HECTD2: variants seen among roughly 807,000 people sequenced by gnomAD.
The protein encoded by HECTD2 is HECT domain E3 ubiquitin protein ligase 2, also known as probable E3 ubiquitin-protein ligase HECTD2.
In HECTD2, 35 loss-of-function variants were observed where a neutral mutation model predicts 103.2. The ratio of observed to expected loss-of-function variants is 0.34; its 90% CI spans 0.26 to 0.45. The LOEUF (loss-of-function observed/expected upper bound fraction) is 0.45. HECTD2 is among the 20% of genes least tolerant of loss of function. The probability of loss-of-function intolerance (pLI) is 1.00; values close to 1 mark genes in which losing one functional copy is unlikely to be tolerated. For missense variants in HECTD2, 596 were observed against 937.4 expected (o/e 0.64, Z 4.76); for synonymous variants, 281 against 329.9 (o/e 0.85, Z 1.61).
chr10:91,496,111 T>C, intron 14 of HECTD2, 103 bp from the exon 15 acceptor site: 1 of 637,614 alleles, frequency 1.6e-6, no homozygotes, highest in Admixed American at 3.0e-5. Flanking sequence ...AGAAAGTCAG[T>C]GTTAAATCTG....
intron 20 of HECTD2, 132 bp from the exon 21 acceptor site, chr10:91,512,132 A>C: frequency 2.2e-6 from 2 of 925,570 alleles, no homozygotes; most frequent in Non-Finnish European, 3.2e-6. Context: ...TTCAGTGAAG[A>C]AATGGATGAG....
intron 2 of HECTD2, among the ~76,000 whole-genome samples, chr10:91,426,192 G>A (rs1843552068): frequency 6.6e-6 from 1 of 151,978 alleles, no homozygotes; most frequent in Admixed American, 6.6e-5. Context: ...TCCTCAGGGA[G>A]GTAGAATTGT....
intron 2 of HECTD2, among the ~76,000 whole-genome samples, chr10:91,431,742 G>A (rs1457663026): frequency 1.3e-5 from 2 of 151,824 alleles, no homozygotes; most frequent in Non-Finnish European, 2.9e-5. Flanking sequence ...AGCTCCTTTA[G>A]GCACTTCTGT....
intron 2 of HECTD2, among the ~76,000 whole-genome samples, chr10:91,453,108 G>A (rs917322321): frequency 1.5e-4 from 23 of 152,184 alleles, no homozygotes; most frequent in African/African-American, 5.1e-4. Flanking sequence ...TAACACCAGC[G>A]TGGTTCTAAA....
At chr10:91,505,033 G>A (rs1036760946) in intron 20 of HECTD2, among the ~76,000 whole-genome samples, 2 of 151,994 alleles carry the variant, frequency 1.3e-5, no homozygotes, top group African/African-American at 4.8e-5. Context: ...AGCTTCATAA[G>A]TGAAGAAGAA....
chr10:91,414,776 T>C (rs1027785384), intron 1 of HECTD2, among the ~76,000 whole-genome samples: 5 of 152,132 alleles, frequency 3.3e-5, no homozygotes, highest in African/African-American at 1.2e-4. Context: ...AAGGAAAAAT[T>C]AGTGAGTAAT....
chr10:91,444,888 T>G lies in HECTD2; in HGVS notation c.269-15539T>G, dbSNP rs139358344. ...ATTTAGGGTTCATTCAGCGAACTTA[T>G]GAACACTGTGCTGAACTGATAAGCA... is the stretch of plus-strand genomic sequence containing the variant. On this transcript the variant is annotated intron_variant, in intron 2 of 20. Transcript: ENST00000298068. 2.9e-3 allele frequency among the ~76,000 whole-genome samples: 444 copies of G among 152,324 alleles called. 3 individuals are homozygous for G. Among genetic ancestry groups the G allele is most frequent in the African/African-American group, 9.9e-3 (413 of 41,586 alleles).
rs769567018 is a variant in HECTD2, at chr10:91,461,338, A to C, written c.492A>C (p.Glu164Asp). The C allele has an allele frequency of 3.3e-6, 5 of 1,504,524 alleles. No homozygotes were observed. The East Asian group carries it at 1.2e-4, about 36-fold the overall frequency. The allele number at this position is 1,504,524 out of a possible 1,614,324, so 93.2% of individuals were successfully genotyped here. The change falls in exon 4 of 21, where the codon GAA becomes GAC. Residue 164 changes from glutamate (E) to aspartate (D), a missense_variant. Transcript: ENST00000298068. Reference protein sequence around the residue: ...FYLTTFDSFPELNAAFKKDAT... With the variant: ...FYLTTFDSFPDLNAAFKKDAT... ...TAACAACGTTTGATTCTTTCCCAGA[A>C]TTAAATGCTGCATTTAAGGTAATTA...
chr10:91,506,353 T>A (rs1174142788), intron 20 of HECTD2, among the ~76,000 whole-genome samples: 5 of 151,166 alleles, frequency 3.3e-5, no homozygotes, highest in African/African-American at 4.9e-5. Context: ...TTTGAAAGGA[T>A]CAACAAAATT....
intron 2 of HECTD2, among the ~76,000 whole-genome samples, chr10:91,452,674 C>G (rs1266413864): frequency 6.6e-6 from 1 of 152,004 alleles, no homozygotes; most frequent in Non-Finnish European, 1.5e-5. Context: ...CCCCTCAGGA[C>G]TTTGCAGAGT....
At chr10:91,446,134 G>C (rs1396010389) in intron 2 of HECTD2, among the ~76,000 whole-genome samples, 1 of 151,906 alleles carries the variant, frequency 6.6e-6, no homozygotes, top group Non-Finnish European at 1.5e-5. Context: ...GCTCCAGCTG[G>C]CATCTGGCAG....
chr10:91,428,598 T>G (rs1843685356), intron 2 of HECTD2, among the ~76,000 whole-genome samples: 1 of 152,192 alleles, frequency 6.6e-6, no homozygotes. Flanking sequence ...TTCACATCCC[T>G]TGTAAGTTGG....
intron 5 of HECTD2, 181 bp downstream of exon 5, chr10:91,462,365 G>T: frequency 9.0e-7 from 1 of 1,107,048 alleles, no homozygotes; most frequent in South Asian, 3.0e-5. Flanking sequence ...TTTTAATTAT[G>T]AATTAAGCAG....
intron 18 of HECTD2, among the ~76,000 whole-genome samples, chr10:91,499,698 A>G (rs566572637): frequency 3.9e-5 from 6 of 152,216 alleles, no homozygotes; most frequent in African/African-American, 1.4e-4. Flanking sequence ...ATCATAGGAT[A>G]CCTTTCAGTC....
At chr10:91,489,459 C>T (rs1024195209) in intron 11 of HECTD2, 1 of 152,168 alleles carries the variant, frequency 6.6e-6, no homozygotes, top group Non-Finnish European at 1.5e-5. Flanking sequence ...TCCTCAGTCA[C>T]AGTGTCAAGA....
chr10:91,414,180 G>A (rs1254436936), intron 1 of HECTD2, among the ~76,000 whole-genome samples: 1 of 152,080 alleles, frequency 6.6e-6, no homozygotes, highest in Non-Finnish European at 1.5e-5. Flanking sequence ...CTCTGGATAG[G>A]GTACCAGTAC....
chr10:91,456,356 T>G (rs538132499), intron 2 of HECTD2, among the ~76,000 whole-genome samples: 4 of 152,294 alleles, frequency 2.6e-5, no homozygotes, highest in African/African-American at 9.6e-5. Context: ...GGGAGTTCAC[T>G]CATGATTTGG....
At chr10:91,465,060 C>T (rs1410886578) in intron 5 of HECTD2, among the ~76,000 whole-genome samples, 1 of 152,190 alleles carries the variant, frequency 6.6e-6, no homozygotes, top group Non-Finnish European at 1.5e-5. Flanking sequence ...CATGCAAAGA[C>T]TATAAACAAA....
intron 2 of HECTD2, among the ~76,000 whole-genome samples, chr10:91,439,544 T>G (rs1844301124): frequency 2.6e-5 from 4 of 152,162 alleles, no homozygotes; most frequent in African/African-American, 7.2e-5. Context: ...TCTTTTTGCT[T>G]AGGATTGTCT....
Sources: gnomAD v4.1 joint callset for allele counts (sites outside exome capture counted in the v4.1 genomes callset) on GRCh38, gnomAD v4.1.1 for gene constraint, MANE v1.5 for transcripts, NCBI Gene and HGNC (gene_info 2026-07-23, HGNC 2026-07-21) for gene names.